The following ADK variants were observed in gnomAD, a reference collection of about 807,000 sequenced individuals.
ADK encodes N6,N6-dimethyladenosine kinase.
In ADK, 24 loss-of-function variants were observed where a neutral mutation model predicts 44.7. The ratio of observed to expected loss-of-function variants is 0.54; its 90% CI spans 0.39 to 0.76. The LOEUF is 0.76. Among genes scored for constraint, ADK ranks in the 30% least tolerant of loss-of-function variants. The probability of loss-of-function intolerance (pLI) is 0.00; values close to 1 mark genes in which losing one functional copy is unlikely to be tolerated. For synonymous variants in ADK, 128 were observed against 142.6 expected (o/e 0.90, Z 0.73); for missense variants, 321 against 425.1 (o/e 0.76, Z 2.15).
chr10:74,370,558 C>A (rs1006608379), intron 4 of ADK, among the ~76,000 whole-genome samples: 2 of 152,080 alleles, frequency 1.3e-5, no homozygotes, highest in Non-Finnish European at 2.9e-5. Context: ...TTTCAGTTAG[C>A]CCTCTAAAAT....
At chr10:74,371,912 C>T in intron 4 of ADK, 2 of 1,456,538 alleles carry the variant, frequency 1.4e-6, no homozygotes, top group Non-Finnish European at 1.9e-6. Flanking sequence ...TGGTTACTGA[C>T]CCCAGGGCTG....
rs1480624866 is a variant in ADK, at chr10:74,695,619, G to GGGTGTGT, written c.965-12701_965-12700insGTGTGTG. 1.3e-3 allele frequency among the ~76,000 whole-genome samples: 116 copies of GGGTGTGT among 90,114 alleles called. 1 individual carries two copies. The highest frequency in any genetic ancestry group is 5.0e-3 in the East Asian group (22 of 4,360). The allele number at this position is 90,114 out of a possible 152,430, so 59.1% of individuals were successfully genotyped here. On this transcript the variant is annotated intron_variant, in intron 10 of 10. Transcript: ENST00000539909. ...TTTTACAATTCCTGTGTATGTGTGG[G>GGGTGTGT]GTGTGTGTGTGTGTGTGTGTGTGTG...
intron 3 of ADK, among the ~76,000 whole-genome samples, chr10:74,248,658 A>G (rs1364073809): frequency 2.6e-5 from 4 of 152,096 alleles, no homozygotes; most frequent in African/African-American, 9.7e-5. Flanking sequence ...CCAGCCTTCA[A>G]ATTCTTTTAT....
At chr10:74,680,116 C>T (rs2134229268) in intron 10 of ADK, among the ~76,000 whole-genome samples, 1 of 152,064 alleles carries the variant, frequency 6.6e-6, no homozygotes, top group South Asian at 2.1e-4. Flanking sequence ...AGATCGAGAC[C>T]ATCCTGGCTA....
At chr10:74,575,350 A>G (rs1340293307) in intron 7 of ADK, among the ~76,000 whole-genome samples, 1 of 152,250 alleles carries the variant, frequency 6.6e-6, no homozygotes, top group Non-Finnish European at 1.5e-5. Flanking sequence ...CAGTCTGCAC[A>G]TAATTGTTAT....
At chr10:74,165,055 A>G (rs1385257134) in intron 1 of ADK, among the ~76,000 whole-genome samples, 1 of 152,044 alleles carries the variant, frequency 6.6e-6, no homozygotes, top group Non-Finnish European at 1.5e-5. Flanking sequence ...GGAGCAGCGG[A>G]GGGAGGAGAT....
At chr10:74,273,360 A>T (rs1436775519) in intron 3 of ADK, among the ~76,000 whole-genome samples, 1 of 152,162 alleles carries the variant, frequency 6.6e-6, no homozygotes, top group Non-Finnish European at 1.5e-5. Flanking sequence ...ATATACCACC[A>T]GAGATCTGCC....
At chr10:74,520,087 C>T (rs996601324) in intron 6 of ADK, among the ~76,000 whole-genome samples, 1 of 151,914 alleles carries the variant, frequency 6.6e-6, no homozygotes, top group Non-Finnish European at 1.5e-5. Context: ...AACTAAATTA[C>T]AAGTTCTTAA....
At chr10:74,413,782 G>A (rs189173576) in intron 6 of ADK, among the ~76,000 whole-genome samples, 3 of 152,248 alleles carry the variant, frequency 2.0e-5, no homozygotes, top group Admixed American at 6.5e-5. Context: ...CTCACCTTTC[G>A]ATATGCCTTC....
chr10:74,399,927 C>T (rs1843653102), intron 6 of ADK, among the ~76,000 whole-genome samples: 1 of 152,068 alleles, frequency 6.6e-6, no homozygotes, highest in African/African-American at 2.4e-5. Flanking sequence ...AACTTGCAAA[C>T]AACTCATAGT....
chr10:74,672,413 A>G (rs1235655627), intron 10 of ADK, among the ~76,000 whole-genome samples: 1 of 152,206 alleles, frequency 6.6e-6, no homozygotes, highest in African/African-American at 2.4e-5. Context: ...TCTTTAAATC[A>G]TGGGCAGCTT....
At chr10:74,525,555 G>A in intron 7 of ADK, 129 bp downstream of exon 7, 1 of 823,268 alleles carries the variant, frequency 1.2e-6, no homozygotes, top group Non-Finnish European at 1.9e-6. Flanking sequence ...TGAGAATTGT[G>A]CAACAAAATT....
At chr10:74,654,176 G>C (rs1211499201) in intron 9 of ADK, among the ~76,000 whole-genome samples, 1 of 152,158 alleles carries the variant, frequency 6.6e-6, no homozygotes, top group Non-Finnish European at 1.5e-5. Flanking sequence ...TATCCATTTT[G>C]AAAATCTTAA....
chr10:74,281,521 G>A (rs899985111), intron 3 of ADK, among the ~76,000 whole-genome samples: 1 of 152,194 alleles, frequency 6.6e-6, no homozygotes, highest in African/African-American at 2.4e-5. Flanking sequence ...TCACACTAAA[G>A]ATGACACAGG....
rs560223890 is a variant in ADK at position 74,587,172 on chromosome 10, A to G, written c.727-2110A>G. On this transcript the variant is annotated intron_variant, in intron 7 of 10. Transcript: ENST00000539909. The stretch of plus-strand genomic sequence containing the variant: ...TTTCATATAAGAATTTGCTTGGTTC[A>G]GAGTGACAGCTTGGGAAGCACTACA... Among the ~76,000 whole-genome samples, 13 of 152,320 alleles carry G rather than the reference A, an allele frequency of 8.5e-5. No homozygotes were observed. The South Asian group carries it at 2.7e-3, about 32-fold the overall frequency.
intron 6 of ADK, among the ~76,000 whole-genome samples, chr10:74,493,160 GATA>G (rs1397299185): frequency 6.6e-6 from 1 of 151,988 alleles, no homozygotes; most frequent in Admixed American, 6.6e-5. Context: ...TAGGGTATAA[GATA>G]ATGCATTTTA....
chr10:74,373,315 TAAATA>T (rs1216040470), intron 4 of ADK, among the ~76,000 whole-genome samples: 1 of 152,062 alleles, frequency 6.6e-6, no homozygotes, highest in Non-Finnish European at 1.5e-5. Flanking sequence ...GAGAAAAGAA[TAAATA>T]AATTAGATTT....
chr10:74,542,672 A>G (rs955836017), intron 7 of ADK, among the ~76,000 whole-genome samples: 1 of 152,016 alleles, frequency 6.6e-6, no homozygotes, highest in African/African-American at 2.4e-5. Flanking sequence ...ACCCTCTATA[A>G]ATAATCTCAT....
intron 10 of ADK, among the ~76,000 whole-genome samples, chr10:74,675,057 A>G (rs1855337290): frequency 6.6e-6 from 1 of 152,172 alleles, no homozygotes. Context: ...GATGGTTAAT[A>G]TATTCATCCT....
Sources: gnomAD v4.1 joint callset for allele counts (sites outside exome capture counted in the v4.1 genomes callset) on GRCh38, gnomAD v4.1.1 for gene constraint, MANE v1.5 for transcripts, NCBI Gene and HGNC (gene_info 2026-07-23, HGNC 2026-07-21) for gene names.